The following WDR19 variants were observed in gnomAD, a reference collection of about 807,000 sequenced individuals.
The protein encoded by WDR19 is WD repeat domain 19, also known as WD repeat-containing protein 19.
In WDR19, 121 loss-of-function variants were observed where a neutral mutation model predicts 180.0. The ratio of observed to expected loss-of-function variants is 0.67; its 90% CI spans 0.58 to 0.78. WDR19 has a LOEUF of 0.78. Ranked by LOEUF, WDR19 falls within the 30% of genes least tolerant of loss-of-function variation. The probability of loss-of-function intolerance (pLI) is 0.00; values close to 1 mark genes in which losing one functional copy is unlikely to be tolerated. For missense variants in WDR19, 1,450 were observed against 1,640.7 expected, an observed-to-expected ratio of 0.88 and a Z score of 2.01; for synonymous variants, 497 against 540.7, an observed-to-expected ratio of 0.92 and a Z score of 1.12.
rs747334676 is a variant in WDR19, at chr4:39,274,866, C to T, written c.3624C>T (p.Asn1208=). The T allele has an allele frequency of 4.3e-6, 7 of 1,614,034 alleles. No homozygotes were observed. In the Admixed American group the frequency reaches 1.0e-4, roughly 23 times the overall value. The part of the protein sequence containing the change: ...VIECHRAGLK[N]SAFSFAAMLM... Reference sequence around the variant, plus strand: ...AGTGTCACAGGGCAGGCCTGAAGAACTCTGCTTTCAGCTTCGCAGCTATGT... The same window carrying T: ...AGTGTCACAGGGCAGGCCTGAAGAATTCTGCTTTCAGCTTCGCAGCTATGT... The change falls in exon 33 of 37, where the codon AAC becomes AAT. Residue 1208 remains asparagine (N), a synonymous_variant. Transcript: ENST00000399820.
rs771459480 is a variant in WDR19 at position 39,205,722 on chromosome 4, A to G, written c.876A>G (p.Thr292=). 1 of 1,602,664 alleles carries G rather than the reference A, an allele frequency of 6.2e-7. No homozygotes were observed. The highest frequency in any genetic ancestry group is 8.5e-7 in the Non-Finnish European group (1 of 1,174,108). The change falls in exon 9 of 37, where the codon ACA becomes ACG. Residue 292 remains threonine (T), a synonymous_variant. Transcript: ENST00000399820. ...AVSQTLNKVA[T]CGDNCIKIQD... is the part of the protein sequence containing the mutation. ...CACAGACTCTTAACAAAGTTGCTAC[A>G]TGTGGAGATAACTGGTAAGTTATTT...
At chr4:39,198,236 A>C (rs1245266108) in intron 5 of WDR19, among the ~76,000 whole-genome samples, 2 of 152,184 alleles carry the variant, frequency 1.3e-5, no homozygotes, top group Non-Finnish European at 2.9e-5. Context: ...AAGTAAAGTT[A>C]ACTTCACTGC....
chr4:39,257,168 G>A (rs1733843097), intron 27 of WDR19, among the ~76,000 whole-genome samples: 1 of 152,110 alleles, frequency 6.6e-6, no homozygotes, highest in East Asian at 1.9e-4. Flanking sequence ...CACACACATA[G>A]TAGCAGGTTG....
At chr4:39,201,768 T>A (rs996799574) in intron 6 of WDR19, among the ~76,000 whole-genome samples, 2 of 152,184 alleles carry the variant, frequency 1.3e-5, no homozygotes, top group African/African-American at 4.8e-5. Context: ...CCTTAGAATA[T>A]TTTTTCCGTA....
In WDR19 at chr4:39,268,010, T is replaced by C; in HGVS notation, c.3277T>C (p.Phe1093Leu). ...DGMPKDAKYL[F>L]RLYMALKQYR... ...TATGTGTCAGGATGCCAAGTACCTG[T>C]TCCGCTTGTACATGGCTCTGAAGCA... The change falls in exon 30 of 37, where the codon TTC (phenylalanine) becomes CTC (leucine). Residue 1093 changes from phenylalanine to leucine, a missense_variant. Transcript: ENST00000399820. 6.2e-7 allele frequency: 1 copy of C among 1,604,084 alleles called. No homozygotes were observed. Among genetic ancestry groups the C allele is most frequent in the Non-Finnish European group, 8.5e-7 (1 of 1,175,132 alleles).
At chr4:39,207,018 G>A (rs1728029589) in intron 9 of WDR19, among the ~76,000 whole-genome samples, 1 of 152,094 alleles carries the variant, frequency 6.6e-6, no homozygotes, top group African/African-American at 2.4e-5. Flanking sequence ...ACTCGCTCAG[G>A]AAATAACAAT....
intron 28 of WDR19, among the ~76,000 whole-genome samples, chr4:39,260,004 G>A (rs1433710587): frequency 6.6e-6 from 1 of 151,820 alleles, no homozygotes; most frequent in African/African-American, 2.4e-5. Flanking sequence ...TAGTTTATAT[G>A]GGCCTTAAGT....
In WDR19 at chr4:39,240,366, T is replaced by A. The variant is rs532647625; in HGVS notation, c.2421+32T>A. 4.6e-6 allele frequency: 6 copies of A among 1,294,262 alleles called. No individual in the cohort carries two copies. In the East Asian group the frequency reaches 1.5e-4, roughly 32 times the overall value. 80.2% of individuals were successfully genotyped at this position (1,294,262 alleles called of 1,614,324 possible). A position where few individuals can be genotyped will look rare whatever the true frequency, so the allele number is the denominator to read the frequency against. On this transcript the variant is annotated intron_variant, in intron 21 of 36. Coordinates refer to ENST00000399820, the MANE Select transcript of WDR19 (RefSeq NM_025132.4). ...TTGGATAAAGATAAGATATGCCTAATTATGTCTGGGTTTGTTTTCAGTTTC... is the reference window on the plus strand; with the variant it reads ...TTGGATAAAGATAAGATATGCCTAAATATGTCTGGGTTTGTTTTCAGTTTC...
chr4:39,186,504 A>G (rs1470990322), intron 2 of WDR19, 35 bp from the exon 3 acceptor site: 7 of 1,046,460 alleles, frequency 6.7e-6, no homozygotes, highest in African/African-American at 1.7e-5. Context: ...AAAAAAAAAA[A>G]GTAAATCATA....
chr4:39,275,200 C>T (rs915519131), intron 33 of WDR19: 28 of 455,070 alleles, frequency 6.2e-5, no homozygotes, highest in Non-Finnish European at 9.0e-5. Flanking sequence ...ATTGGCTGGG[C>T]GTGGTGGTGC....
At chr4:39,248,015 T>C (rs1302696466) in intron 24 of WDR19, among the ~76,000 whole-genome samples, 1 of 152,134 alleles carries the variant, frequency 6.6e-6, no homozygotes, top group Non-Finnish European at 1.5e-5. Context: ...GCCACAAAGA[T>C]ACTCCTCGAG....
rs368949539 is a variant in WDR19, at chr4:39,280,141, T to TTTTTTTTTTTTTA, written c.*13+1478_*13+1479insTTTTTTTTTTTTA. Among the ~76,000 whole-genome samples the TTTTTTTTTTTTTA allele has an allele frequency of 2.6e-4, 23 of 88,390 alleles. 4 individuals are homozygous for TTTTTTTTTTTTTA. Among genetic ancestry groups the TTTTTTTTTTTTTA allele is most frequent in the East Asian group, 7.3e-4 (2 of 2,742 alleles). 58.0% of individuals were successfully genotyped at this position (88,390 alleles called of 152,430 possible). A position where few individuals can be genotyped will look rare whatever the true frequency, so the allele number is the denominator to read the frequency against. On this transcript the variant is annotated intron_variant, in intron 36 of 36. Transcript: ENST00000399820. ...CTTGTTTTTTTTTTTTTTTTTTTTT[T>TTTTTTTTTTTTTA]AATAGAGGCAGGGTCTCGCCACATT... is the stretch of plus-strand genomic sequence containing the variant.
At chr4:39,203,841 T>A in intron 7 of WDR19, 119 bp downstream of exon 7, 1 of 983,386 alleles carries the variant, frequency 1.0e-6, no homozygotes, top group Non-Finnish European at 1.6e-6. Flanking sequence ...GACTGTATTT[T>A]AAGCCAAGGT....
At chr4:39,203,994 G>A (rs557784956) in intron 7 of WDR19, among the ~76,000 whole-genome samples, 1 of 152,192 alleles carries the variant, frequency 6.6e-6, no homozygotes, top group East Asian at 1.9e-4. Context: ...GTACCTTGCA[G>A]AACAGAAGTA....
intron 14 of WDR19, chr4:39,218,326 A>G: frequency 3.3e-6 from 2 of 611,634 alleles, no homozygotes; most frequent in Non-Finnish European, 5.5e-6. Context: ...TGGATGTCAT[A>G]GAGTGTGCTT....
At chr4:39,278,986 ATT>A (rs764508346) in intron 36 of WDR19, among the ~76,000 whole-genome samples, 17 of 152,192 alleles carry the variant, frequency 1.1e-4, no homozygotes, top group Admixed American at 4.6e-4. Flanking sequence ...CTGTGATATA[ATT>A]CAGGAGAATA....
At position 39,200,719 on chromosome 4, in the gene WDR19, T is replaced by G. The variant is rs200405665; in HGVS notation, c.522+1126T>G. Among the ~76,000 whole-genome samples the G allele has an allele frequency of 2.0e-5, 3 of 152,084 alleles. No individual in the cohort carries two copies. In the East Asian group the frequency reaches 5.8e-4, roughly 29 times the overall value. On this transcript the variant is annotated intron_variant, in intron 6 of 36. Coordinates refer to ENST00000399820, the MANE Select transcript of WDR19 (RefSeq NM_025132.4). ...TTTGCCATATTTTGTTCTTTAGAAG[T>G]GAACTACAAGGTATAGCCCACAAAA...
At chr4:39,279,627 AC>A (rs1471321649) in intron 36 of WDR19, among the ~76,000 whole-genome samples, 4 of 151,376 alleles carry the variant, frequency 2.6e-5, no homozygotes, top group Middle Eastern at 6.9e-3. Context: ...GCACCCTCTT[AC>A]ATTCCCACCA....
chr4:39,188,636 GAAAA>G (rs892116226), intron 3 of WDR19, among the ~76,000 whole-genome samples: 8 of 140,022 alleles, frequency 5.7e-5, no homozygotes, highest in African/African-American at 1.3e-4. Flanking sequence ...AAAAAAAAAA[GAAAA>G]GAAAGAAAGA....
Sources: gnomAD v4.1 joint callset for allele counts (sites outside exome capture counted in the v4.1 genomes callset) on GRCh38, gnomAD v4.1.1 for gene constraint, MANE v1.5 for transcripts, NCBI Gene and HGNC (gene_info 2026-07-23, HGNC 2026-07-21) for gene names.